MEFV: variants seen among roughly 807,000 people sequenced by gnomAD.
The protein encoded by MEFV is pyrin.
Under a neutral mutation model 62.5 loss-of-function variants are expected in MEFV, and 60 were observed. The ratio of observed to expected loss-of-function variants is 0.96; its 90% CI spans 0.78 to 1.19. MEFV has a LOEUF of 1.19. MEFV is among the 50% of genes most tolerant of loss of function. MEFV has a pLI of 0.00. For missense variants in MEFV, 1,169 were observed against 1,004.5 expected (o/e 1.16, Z -2.21); for synonymous variants, 500 against 415.2 (o/e 1.20, Z -2.48).
chr16:3,244,636 G>A (rs1253873914), intron 6 of MEFV, 48 bp from the exon 7 acceptor site: 1 of 1,417,920 alleles, frequency 7.1e-7, no homozygotes, highest in Non-Finnish European at 9.9e-7. Flanking sequence ...CGAGGGGGTG[G>A]CCCAAGTACC....
intron 2 of MEFV, among the ~76,000 whole-genome samples, chr16:3,251,114 CACAGCACATCTGTAAATGAG>C (rs1196973468): frequency 6.6e-6 from 1 of 150,976 alleles, no homozygotes; most frequent in African/African-American, 2.4e-5. Context: ...CCCAGAAATT[CACAGCACATCTGTAAATGAG>C]ACTGCTAGTA....
At position 3,249,542 on chromosome 16, in the gene MEFV, C is replaced by G; in HGVS notation, c.1149G>C (p.Gln383His). Residue 383 changes from glutamine to histidine, a missense_variant, in exon 3 of 10, where the codon CAG (glutamine) becomes CAC (histidine). Transcript: ENST00000219596. ...PQCKRHLKQV[Q>H]LLFCEDHDEP... ...CATCGTGATCCTCACAGAAGAGCAG[C>G]TGGACCTGCTTCAGGTGGCGCTTAC... 1 of 1,614,216 alleles carries G rather than the reference C, an allele frequency of 6.2e-7. No individual in the cohort carries two copies. The highest frequency in any genetic ancestry group is 8.5e-7 in the Non-Finnish European group (1 of 1,180,032).
intron 2 of MEFV, 28 bp from the exon 3 acceptor site, chr16:3,249,808 T>G (rs868076395): frequency 6.3e-7 from 1 of 1,594,488 alleles, no homozygotes; most frequent in African/African-American, 1.3e-5. Context: ...AAAAACCCCC[T>G]GAATGGCAAA....
chr16:3,242,753 C>T lies in MEFV; in HGVS notation c.*388G>A. The T allele has an allele frequency of 6.6e-6, 2 of 301,462 alleles. No homozygotes were observed. Among genetic ancestry groups the T allele is most frequent in the South Asian group, 6.4e-5 (2 of 31,420 alleles). 18.7% of individuals were successfully genotyped at this position (301,462 alleles called of 1,614,324 possible). On this transcript the variant is annotated 3_prime_UTR_variant, in exon 10 of 10. Coordinates refer to ENST00000219596, the MANE Select transcript of MEFV (RefSeq NM_000243.3). ...CCCAATCCAGTCTGCTTGCGTTTCT[C>T]TAGGCTTCCCATATCCTCAAGACAG...
Position 3,254,756 on chromosome 16 carries a change from G to A in MEFV, c.312C>T (p.Ser104=), listed in dbSNP as rs888155727. Residue 104 remains serine, a synonymous_variant, in exon 2 of 10, where the codon TCC becomes TCT. Transcript: ENST00000219596. ...YSTQENGTDD[S]AASSSLGENK... is the part of the protein sequence containing the mutation. Reference sequence around the variant, plus strand: ...TCTCCCCCAGGGAGCTGGACGCTGCGGAATCATCTGTGCCGTTTTCTTGTG... The same window carrying A: ...TCTCCCCCAGGGAGCTGGACGCTGCAGAATCATCTGTGCCGTTTTCTTGTG... 1.2e-6 allele frequency: 2 copies of A among 1,612,690 alleles called. No homozygotes were observed. The highest frequency in any genetic ancestry group is 8.5e-7 in the Non-Finnish European group (1 of 1,180,026).
At chr16:3,255,883 C>T (rs1275975585) in intron 1 of MEFV, among the ~76,000 whole-genome samples, 1 of 151,858 alleles carries the variant, frequency 6.6e-6, no homozygotes, top group African/African-American at 2.4e-5. Context: ...GGGAGGATCA[C>T]TTGAGGTCAG....
chr16:3,256,285 T>C (rs1295906522), intron 1 of MEFV, 26 bp downstream of exon 1: 1 of 1,611,418 alleles, frequency 6.2e-7, no homozygotes, highest in African/African-American at 1.3e-5. Flanking sequence ...CAGCACTGGA[T>C]GAGGAGGAGG....
In MEFV at chr16:3,248,688, A is replaced by T. The variant is rs79350322; in HGVS notation, c.1356+221T>A. 3.5e-4 allele frequency: 485 copies of T among 1,385,434 alleles called. 5 individuals are homozygous for T. The East Asian group carries it at 0.01, about 29-fold the overall frequency. 85.8% of individuals were successfully genotyped at this position (1,385,434 alleles called of 1,614,324 possible). On this transcript the variant is annotated intron_variant, in intron 4 of 9. Coordinates refer to ENST00000219596, the MANE Select transcript of MEFV (RefSeq NM_000243.3). ...TCTCTACCATCTTCTGGTGAGTATG[A>T]GAAAGCATGACAGGATCCTCAGAGG...
At chr16:3,246,744 G>T (rs991727292) in intron 5 of MEFV, among the ~76,000 whole-genome samples, 197 bp from the exon 6 acceptor site, 28 of 152,288 alleles carry the variant, frequency 1.8e-4, no homozygotes, top group Middle Eastern at 3.4e-3. Context: ...ATCCCAGGTG[G>T]CGAGGCCTGC....
intron 6 of MEFV, among the ~76,000 whole-genome samples, chr16:3,245,010 G>C (rs1452138529): frequency 2.6e-5 from 4 of 152,158 alleles, no homozygotes; most frequent in Non-Finnish European, 4.4e-5. Context: ...AAATAGACCA[G>C]GTATGGTGGC....
chr16:3,249,931 T>C, intron 2 of MEFV, 151 bp from the exon 3 acceptor site: 2 of 704,422 alleles, frequency 2.8e-6, no homozygotes, highest in Non-Finnish European at 5.0e-6. Context: ...TCCCCCGACT[T>C]CCATCCAGTG....
Position 3,254,505 on chromosome 16 carries a change from G to T in MEFV, c.563C>A (p.Pro188His). ...CCCCTCTAGCGCCCTGCAGGGGCCG[G>T]GGCTTCTCCCGCCCGGCAGGGCCGG... ...RSPALPGGRS[P>H]GPCRALEGGQ... The change falls in exon 2 of 10, where the codon CCC (proline) becomes CAC (histidine). Residue 188 changes from proline (P) to histidine (H), a missense_variant. By Grantham distance (77) the Pro-to-His change is moderately conservative. Coordinates refer to ENST00000219596, the MANE Select transcript of MEFV (RefSeq NM_000243.3). 1 of 1,569,484 alleles carries T rather than the reference G, an allele frequency of 6.4e-7. No individual in the cohort carries two copies. The highest frequency in any genetic ancestry group is 1.1e-5 in the South Asian group (1 of 88,306).
At position 3,254,444 on chromosome 16, in the gene MEFV, G is replaced by C; in HGVS notation, c.624C>G (p.Ser208Arg). 6.2e-7 allele frequency: 1 copy of C among 1,609,796 alleles called. No homozygotes were observed. Among genetic ancestry groups the C allele is most frequent in the Non-Finnish European group, 8.5e-7 (1 of 1,178,118 alleles). Residue 208 changes from serine to arginine, a missense_variant, in exon 2 of 10, where the codon AGC (serine) becomes AGG (arginine). Physicochemically the swap from Ser to Arg is moderately radical, Grantham distance 110. Transcript: ENST00000219596. ...QAEVRLRRNA[S>R]SAGRLQGLAG... is the part of the protein sequence containing the mutation. The stretch of plus-strand genomic sequence containing the variant: ...CCAGCCCCTGCAGCCTCCCCGCGGA[G>C]CTGGCGTTTCTGCGCAGCCGGACCT...
chr16:3,243,441 C>T lies in MEFV; in HGVS notation c.2046G>A (p.Leu682=), dbSNP rs1172856725. 2 of 1,614,168 alleles carry T rather than the reference C, an allele frequency of 1.2e-6. No individual in the cohort carries two copies. The highest frequency in any genetic ancestry group is 4.5e-5 in the East Asian group (2 of 44,888). Residue 682 remains leucine (L), a synonymous_variant, in exon 10 of 10, where the codon CTG becomes CTA. Coordinates refer to ENST00000219596, the MANE Select transcript of MEFV (RefSeq NM_000243.3). ...TSISRKGNMT[L]SPENGYWVVI... ...CCACCCAGTAGCCATTCTCTGGCGA[C>T]AGAGTCATGTTCCCTTTCCTGCTTA... is the stretch of plus-strand genomic sequence containing the variant.
intron 2 of MEFV, 57 bp from the exon 3 acceptor site, chr16:3,249,837 A>G: frequency 2.8e-6 from 4 of 1,419,312 alleles, no homozygotes; most frequent in Non-Finnish European, 9.8e-7. Flanking sequence ...GCTTACACAG[A>G]GGTATCACAA....
At chr16:3,246,352 C>T in intron 6 of MEFV, 173 bp downstream of exon 6, 1 of 710,630 alleles carries the variant, frequency 1.4e-6, no homozygotes. Context: ...TGACCAGATG[C>T]CCTTCTCCCT....
intron 9 of MEFV, 57 bp downstream of exon 9, chr16:3,243,803 G>C: frequency 1.2e-6 from 2 of 1,608,856 alleles, no homozygotes; most frequent in Non-Finnish European, 1.7e-6. Context: ...GAACGTGGTA[G>C]GGGAGAGCAC....
chr16:3,244,048 GC>G, intron 8 of MEFV, 156 bp from the exon 9 acceptor site: 1 of 1,551,958 alleles, frequency 6.4e-7, no homozygotes, highest in Non-Finnish European at 8.7e-7. Flanking sequence ...AGGAACCCAG[GC>G]CATGTTGGGG....
chr16:3,244,330 C>A, intron 7 of MEFV, 44 bp from the exon 8 acceptor site: 1 of 1,613,582 alleles, frequency 6.2e-7, no homozygotes, highest in South Asian at 1.1e-5. Context: ...GAGTTAGGTC[C>A]CTCAGCCAGG....
Sources: allele counts gnomAD v4.1 joint callset (sites outside exome capture counted in the v4.1 genomes callset), GRCh38; gene constraint gnomAD v4.1.1; transcripts MANE v1.5; gene names NCBI Gene and HGNC (gene_info 2026-07-23, HGNC 2026-07-21).